Variants in GLDC observed in about 807,000 individuals in gnomAD.
GLDC encodes the protein glycine decarboxylase, also known as glycine dehydrogenase (decarboxylating), mitochondrial.
Under a neutral mutation model 121.3 loss-of-function variants are expected in GLDC, and 104 were observed. That is an observed-to-expected ratio of 0.86 (90% CI 0.73 to 1.01). The LOEUF (loss-of-function observed/expected upper bound fraction) is 1.01, where lower values mean the gene tolerates loss of function less well. Ranked by LOEUF, GLDC falls within the 50% of genes least tolerant of loss-of-function variation. The pLI is 0.00. For missense variants in GLDC, 1,429 were observed against 1,306.6 expected (o/e 1.09, Z -1.44); for synonymous variants, 546 against 480.6 (o/e 1.14, Z -1.78).
At chr9:6,601,921 G>A (rs963140543) in intron 8 of GLDC, among the ~76,000 whole-genome samples, 188 bp downstream of exon 8, 6 of 152,124 alleles carry the variant, frequency 3.9e-5, no homozygotes, top group Admixed American at 6.5e-5. Context: ...ATGAGCCACC[G>A]TACCCAGCCA....
chr9:6,564,018 C>T (rs1052991581), intron 16 of GLDC, among the ~76,000 whole-genome samples: 2 of 152,038 alleles, frequency 1.3e-5, no homozygotes, highest in South Asian at 2.1e-4. Context: ...GGTCCAGGGG[C>T]GGGTGGATCA....
intron 9 of GLDC, 113 bp from the exon 10 acceptor site, chr9:6,593,103 G>A: frequency 9.0e-7 from 1 of 1,113,040 alleles, no homozygotes. Flanking sequence ...TTGGTCCTGG[G>A]GAGTGCTTTG....
chr9:6,561,478 G>C (rs1299190147), intron 16 of GLDC, among the ~76,000 whole-genome samples: 1 of 152,026 alleles, frequency 6.6e-6, no homozygotes, highest in East Asian at 1.9e-4. Context: ...GTGAAACCCT[G>C]TCTCTAATAA....
Position 6,554,716 on chromosome 9 carries a change from G to C in GLDC, c.2268C>G (p.Phe756Leu). ...GACCACCTCCTCCGTGGGGAATGCA[G>C]AAGGTCTTGTGAAGATTTAGGTGCG... ...DVSHLNLHKT[F>L]CIPHGGGGPG... The change falls in exon 19 of 25, where the codon TTC becomes TTG. Residue 756 changes from phenylalanine to leucine, a missense_variant. Coordinates refer to ENST00000321612, the MANE Select transcript of GLDC (RefSeq NM_000170.3). The C allele has an allele frequency of 6.2e-7, 1 of 1,613,096 alleles. No homozygotes were observed. Among genetic ancestry groups the C allele is most frequent in the Admixed American group, 1.7e-5 (1 of 60,010 alleles).
chr9:6,535,536 C>G (rs1006298583), intron 23 of GLDC, among the ~76,000 whole-genome samples: 2 of 151,986 alleles, frequency 1.3e-5, no homozygotes, highest in African/African-American at 4.8e-5. Context: ...TCATGGTATT[C>G]TCCACTCCTG....
At position 6,611,965 on chromosome 9, in the gene GLDC, T is replaced by C. The variant is rs376729356; in HGVS notation, c.471-1609A>G. Among the ~76,000 whole-genome samples the C allele has an allele frequency of 9.5e-4, 144 of 152,282 alleles. 3 individuals carry two copies. The South Asian group carries it at 0.029, about 31-fold the overall frequency. ...TCTTCACGGTGTCAAGCCATGTGTG[T>C]AGATCTTGTCTGATTCAAGATCACA... On this transcript the variant is annotated intron_variant, in intron 3 of 24. Coordinates refer to ENST00000321612, the MANE Select transcript of GLDC (RefSeq NM_000170.3).
At chr9:6,632,023 A>T (rs2129988037) in intron 2 of GLDC, among the ~76,000 whole-genome samples, 1 of 152,350 alleles carries the variant, frequency 6.6e-6, no homozygotes, top group East Asian at 1.9e-4. Flanking sequence ...AGCCATGATC[A>T]TGCCACTGCA....
intron 9 of GLDC, among the ~76,000 whole-genome samples, chr9:6,593,268 G>GATATATATATATATATATAT (rs34438524): frequency 3.5e-4 from 50 of 143,930 alleles, no homozygotes; most frequent in African/African-American, 1.2e-3. Context: ...GGTAGTATCA[G>GATATATATATATATATATAT]ATATATATAT....
At chr9:6,610,669 C>T (rs983138016) in intron 3 of GLDC, among the ~76,000 whole-genome samples, 14 of 152,138 alleles carry the variant, frequency 9.2e-5, no homozygotes, top group East Asian at 1.9e-4. Flanking sequence ...AGCATGATCA[C>T]GACTCACTGA....
At chr9:6,602,229 G>T in intron 7 of GLDC, 24 bp from the exon 8 acceptor site, 1 of 1,351,820 alleles carries the variant, frequency 7.4e-7, no homozygotes, top group Non-Finnish European at 1.1e-6. Context: ...AAGGCATCCA[G>T]TTAGCACAGA....
chr9:6,632,943 C>A (rs973279386), intron 2 of GLDC, among the ~76,000 whole-genome samples: 1 of 152,064 alleles, frequency 6.6e-6, no homozygotes, highest in Non-Finnish European at 1.5e-5. Flanking sequence ...GCAGGCCGAT[C>A]GAGGGTCCTC....
At chr9:6,578,530 G>C (rs1252591779) in intron 15 of GLDC, among the ~76,000 whole-genome samples, 1 of 151,920 alleles carries the variant, frequency 6.6e-6, no homozygotes, top group Non-Finnish European at 1.5e-5. Flanking sequence ...TAGTTGGAAA[G>C]TACTTCCTCT....
intron 15 of GLDC, 123 bp from the exon 16 acceptor site, chr9:6,565,552 C>G: frequency 1.3e-6 from 1 of 771,632 alleles, no homozygotes; most frequent in Non-Finnish European, 2.4e-6. Flanking sequence ...TGTCCAGACG[C>G]TGAGAGAAGC....
intron 2 of GLDC, chr9:6,639,037 G>A: frequency 3.4e-6 from 2 of 581,326 alleles, no homozygotes; most frequent in South Asian, 3.7e-5. Flanking sequence ...TATCCTCAGA[G>A]TGTCTTTCAA....
chr9:6,589,063 T>C, intron 12 of GLDC, 132 bp downstream of exon 12: 9 of 744,828 alleles, frequency 1.2e-5, no homozygotes, highest in Non-Finnish European at 2.0e-5. Flanking sequence ...GTTATGAGGA[T>C]GAAATACTTG....
At chr9:6,621,069 C>G (rs1819083303) in intron 2 of GLDC, among the ~76,000 whole-genome samples, 1 of 152,126 alleles carries the variant, frequency 6.6e-6, no homozygotes, top group African/African-American at 2.4e-5. Context: ...TCTTGGGAGG[C>G]TGAGGTGGAA....
intron 17 of GLDC, 161 bp downstream of exon 17, chr9:6,558,398 T>C: frequency 1.3e-6 from 1 of 799,870 alleles, no homozygotes; most frequent in Non-Finnish European, 2.2e-6. Context: ...GATTTCTCCC[T>C]GTTGGTGATG....
At chr9:6,543,079 C>G (rs952480835) in intron 21 of GLDC, among the ~76,000 whole-genome samples, 1 of 151,838 alleles carries the variant, frequency 6.6e-6, no homozygotes, top group East Asian at 1.9e-4. Flanking sequence ...GAGTTGGAGA[C>G]CAGCCTGGGC....
chr9:6,585,521 G>A (rs1420457747), intron 15 of GLDC, among the ~76,000 whole-genome samples: 1 of 151,880 alleles, frequency 6.6e-6, no homozygotes, highest in Non-Finnish European at 1.5e-5. Flanking sequence ...TGAGAGCACT[G>A]TATCCTTTCA....
Sources: gnomAD v4.1 joint callset for allele counts (sites outside exome capture counted in the v4.1 genomes callset) on GRCh38, gnomAD v4.1.1 for gene constraint, MANE v1.5 for transcripts, NCBI Gene and HGNC (gene_info 2026-07-23, HGNC 2026-07-21) for gene names.